Variants in FIRRM observed in about 807,000 individuals in gnomAD.
The protein encoded by FIRRM is FIGNL1 interacting regulator of recombination and mitosis, also known as FIGNL1-interacting regulator of recombination and mitosis.
the FIRRM span, chr1:169,851,759 A>C: frequency 1.3e-6 from 2 of 1,569,494 alleles, no homozygotes; most frequent in Non-Finnish European, 1.7e-6. Context: ...TGGCCATTTC[A>C]TATCTAGTAG....
At chr1:169,794,945 C>T in the FIRRM span, 2 of 617,938 alleles carry the variant, frequency 3.2e-6, no homozygotes, top group Admixed American at 5.7e-5. Flanking sequence ...GCCCGACTTT[C>T]TTTCCGGCCT....
At chr1:169,848,118 T>C in the FIRRM span, among the ~76,000 whole-genome samples, 2 of 152,194 alleles carry the variant, frequency 1.3e-5, no homozygotes, top group Non-Finnish European at 2.9e-5. Context: ...CAGCATGTAA[T>C]TAGGAAATTT....
At chr1:169,790,200 G>C in the FIRRM span, among the ~76,000 whole-genome samples, 1 of 151,158 alleles carries the variant, frequency 6.6e-6, no homozygotes, top group Admixed American at 6.6e-5. Flanking sequence ...TTTTTGTTGA[G>C]AGAGTCTTTC....
chr1:169,830,836 G>A, the FIRRM span: 7 of 1,149,382 alleles, frequency 6.1e-6, no homozygotes, highest in African/African-American at 1.1e-4. Flanking sequence ...ATATCGGCGG[G>A]AGAAATATCA....
chr1:169,819,902 G>A, the FIRRM span, among the ~76,000 whole-genome samples: 1 of 152,204 alleles, frequency 6.6e-6, no homozygotes, highest in African/African-American at 2.4e-5. Flanking sequence ...GCCAGCCATT[G>A]TAAAATGGCA....
At chr1:169,830,284 T>C in the FIRRM span, 7 of 1,613,514 alleles carry the variant, frequency 4.3e-6, no homozygotes, top group Non-Finnish European at 5.9e-6. Flanking sequence ...AATGCTGTAC[T>C]TAGTGCTAAT....
At chr1:169,819,578 G>T in the FIRRM span, among the ~76,000 whole-genome samples, 1 of 152,156 alleles carries the variant, frequency 6.6e-6, no homozygotes, top group Non-Finnish European at 1.5e-5. Context: ...CACTAAAAAA[G>T]GATCTGTGGT....
chr1:169,785,613 T>C, the FIRRM span, among the ~76,000 whole-genome samples: 1 of 152,074 alleles, frequency 6.6e-6, no homozygotes, highest in Non-Finnish European at 1.5e-5. Context: ...CTTCTCTCCT[T>C]CTCTGCCATG....
the FIRRM span, chr1:169,842,586 C>CA: frequency 6.3e-6 from 10 of 1,584,974 alleles, no homozygotes; most frequent in East Asian, 1.4e-4. Context: ...TAGAAAATAT[C>CA]AAAAAAAGAG....
At chr1:169,841,887 G>C in the FIRRM span, among the ~76,000 whole-genome samples, 3 of 152,016 alleles carry the variant, frequency 2.0e-5, no homozygotes, top group African/African-American at 7.2e-5. Flanking sequence ...ACCCTAAAAG[G>C]AAGTTTATGG....
At chr1:169,792,711 C>G in the FIRRM span, 1 of 1,613,886 alleles carries the variant, frequency 6.2e-7, no homozygotes, top group Non-Finnish European at 8.5e-7. Context: ...CCACCTACAC[C>G]AAAATAATGT....
chr1:169,845,219 A>G, the FIRRM span, among the ~76,000 whole-genome samples: 7 of 152,360 alleles, frequency 4.6e-5, no homozygotes, highest in African/African-American at 1.7e-4. Flanking sequence ...TAGGTTGTGT[A>G]TAATAGCATT....
the FIRRM span, among the ~76,000 whole-genome samples, chr1:169,831,075 G>A: frequency 1.8e-4 from 28 of 152,022 alleles, no homozygotes; most frequent in Admixed American, 6.6e-4. Context: ...ATGGCCAAGA[G>A]GTTTCTCTCT....
the FIRRM span, chr1:169,852,039 T>C: frequency 6.6e-7 from 1 of 1,519,294 alleles, no homozygotes; most frequent in Non-Finnish European, 9.1e-7. Flanking sequence ...TTATGCTGAA[T>C]TTCAAATCAA....
At chr1:169,800,885 A>G in the FIRRM span, 4 of 1,540,456 alleles carry the variant, frequency 2.6e-6, no homozygotes, top group Non-Finnish European at 3.6e-6. Context: ...CTTTACAGAA[A>G]TTTTGAAAAT....
the FIRRM span, among the ~76,000 whole-genome samples, chr1:169,800,678 C>CCA: frequency 6.7e-6 from 1 of 149,608 alleles, no homozygotes; most frequent in Non-Finnish European, 1.5e-5. Context: ...TTTAACTGGT[C>CCA]CACAATTGTT....
chr1:169,839,608 C>T, the FIRRM span, among the ~76,000 whole-genome samples: 1 of 151,982 alleles, frequency 6.6e-6, no homozygotes, highest in Non-Finnish European at 1.5e-5. Context: ...TTTACTTGTT[C>T]AGGTGTTTAA....
At chr1:169,831,757 G>C in the FIRRM span, among the ~76,000 whole-genome samples, 1 of 152,166 alleles carries the variant, frequency 6.6e-6, no homozygotes, top group South Asian at 2.1e-4. Context: ...TTTTGTTAGT[G>C]GTGGTTTTTT....
At chr1:169,793,902 A>G in the FIRRM span, 1 of 417,648 alleles carries the variant, frequency 2.4e-6, no homozygotes, top group Non-Finnish European at 4.2e-6. Context: ...GCAGCTCTGG[A>G]AAGAAAAAAA....
Sources: allele counts gnomAD v4.1 joint callset (sites outside exome capture counted in the v4.1 genomes callset), GRCh38; gene constraint gnomAD v4.1.1; transcripts MANE v1.5; gene names NCBI Gene and HGNC (gene_info 2026-07-23, HGNC 2026-07-21).